SLCO3A1: variants seen among roughly 807,000 people sequenced by gnomAD.
SLCO3A1 encodes the protein PGE1 transporter.
A neutral mutation model predicts 63.1 loss-of-function variants in SLCO3A1; 27 were observed. The ratio of observed to expected loss-of-function variants is 0.43; its 90% CI spans 0.32 to 0.59. SLCO3A1 has a LOEUF of 0.59. Ranked by LOEUF, SLCO3A1 falls within the 20% of genes least tolerant of loss-of-function variation. The pLI is 0.09. For synonymous variants in SLCO3A1, 473 were observed against 409.9 expected (o/e 1.15, Z -1.86); for missense variants, 773 against 945.8 (o/e 0.82, Z 2.40).
intron 7 of SLCO3A1, among the ~76,000 whole-genome samples, chr15:92,146,660 A>T (rs569333349): frequency 6.6e-6 from 1 of 152,264 alleles, no homozygotes; most frequent in African/African-American, 2.4e-5. Context: ...GCAACGTTTT[A>T]TCATATTGTG....
intron 2 of SLCO3A1, among the ~76,000 whole-genome samples, chr15:92,024,085 C>T (rs1021985097): frequency 4.6e-5 from 7 of 152,186 alleles, no homozygotes; most frequent in East Asian, 1.9e-4. Flanking sequence ...GCATTTAAAT[C>T]GTCTTTTCCC....
At chr15:92,136,699 G>T (rs1489135054) in intron 7 of SLCO3A1, among the ~76,000 whole-genome samples, 1 of 152,274 alleles carries the variant, frequency 6.6e-6, no homozygotes, top group Middle Eastern at 3.4e-3. Context: ...AGTATAAAAA[G>T]GAGGATATGA....
intron 2 of SLCO3A1, among the ~76,000 whole-genome samples, chr15:92,039,740 A>T (rs7164885): frequency 0.014 from 2,090 of 152,360 alleles, 46 homozygotes; most frequent in African/African-American, 0.048. Flanking sequence ...AATGTAAATC[A>T]TTCTACTAAG....
chr15:91,923,228 C>T (rs184133332), intron 2 of SLCO3A1, among the ~76,000 whole-genome samples: 2 of 152,314 alleles, frequency 1.3e-5, no homozygotes, highest in Admixed American at 1.3e-4. Context: ...CCCTTTTCAT[C>T]CTTATGGTCA....
At position 91,860,407 on chromosome 15, in the gene SLCO3A1, G is replaced by T. The variant is rs1025289804; in HGVS notation, c.180+6319G>T. Reference sequence around the variant, plus strand: ...AGCTTATCTTACAGATGGTTGTGAGGTTTAAACAAATAGTCATGTGATAGA... The same window carrying T: ...AGCTTATCTTACAGATGGTTGTGAGTTTTAAACAAATAGTCATGTGATAGA... On this transcript the variant is annotated intron_variant, in intron 1 of 9. Coordinates refer to ENST00000318445, the MANE Select transcript of SLCO3A1 (RefSeq NM_013272.4). This position sits in a 1 kb window ranked among gnomAD's most constrained non-coding sequence, Gnocchi z 5.5. Among the ~76,000 whole-genome samples the T allele has an allele frequency of 6.6e-6, 1 of 152,208 alleles. No homozygotes were observed. Among genetic ancestry groups the T allele is most frequent in the Admixed American group, 6.5e-5 (1 of 15,284 alleles).
At position 92,033,914 on chromosome 15, in the gene SLCO3A1, T is replaced by C. The variant is rs1415937903; in HGVS notation, c.647-60967T>C. ...TATTAGGGCTGGAGCAGGCTGGCGT[T>C]GATGAGCTGGGAGCAGGCGCATGGG... On this transcript the variant is annotated intron_variant, in intron 2 of 9. Coordinates refer to ENST00000318445, the MANE Select transcript of SLCO3A1 (RefSeq NM_013272.4). The surrounding 1 kb of genome is among the most constrained non-coding windows in gnomAD (Gnocchi z 4.5). Among the ~76,000 whole-genome samples the C allele has an allele frequency of 2.0e-5, 3 of 149,910 alleles. No homozygotes were observed. Among genetic ancestry groups the C allele is most frequent in the South Asian group, 2.1e-4 (1 of 4,688 alleles).
intron 2 of SLCO3A1, among the ~76,000 whole-genome samples, chr15:91,932,015 A>G (rs1333001043): frequency 6.6e-6 from 1 of 152,220 alleles, no homozygotes; most frequent in African/African-American, 2.4e-5. Flanking sequence ...TGACTGTCTT[A>G]GAAAGCTTTG....
chr15:92,120,656 A>G, intron 5 of SLCO3A1, 27 bp downstream of exon 5: 10 of 1,488,456 alleles, frequency 6.7e-6, no homozygotes, highest in African/African-American at 1.4e-5. Context: ...GCCTCCTGAG[A>G]GGGTCGGGGG....
chr15:92,010,932 G>A (rs1490121518), intron 2 of SLCO3A1, among the ~76,000 whole-genome samples: 1 of 152,200 alleles, frequency 6.6e-6, no homozygotes. Flanking sequence ...CCATCATTGT[G>A]TCTTACATGG....
chr15:91,895,269 T>A (rs1448161766), intron 1 of SLCO3A1, among the ~76,000 whole-genome samples: 3 of 152,208 alleles, frequency 2.0e-5, no homozygotes, highest in African/African-American at 7.2e-5. Flanking sequence ...TCACTAGAGA[T>A]ATTAATAATA....
chr15:92,034,525 G>A (rs1221628302), intron 2 of SLCO3A1, among the ~76,000 whole-genome samples: 1 of 151,646 alleles, frequency 6.6e-6, no homozygotes, highest in African/African-American at 2.4e-5. Context: ...AAGAAAAAGG[G>A]AGCCTGCAGC....
intron 2 of SLCO3A1, among the ~76,000 whole-genome samples, chr15:91,922,579 G>C (rs1898886928): frequency 6.6e-6 from 1 of 152,136 alleles, no homozygotes; most frequent in African/African-American, 2.4e-5. Flanking sequence ...CCTCTGATGA[G>C]TTTTTATTTT....
rs1897033711 is a variant in SLCO3A1, at chr15:91,860,957, A to G, written c.180+6869A>G. 6.6e-6 allele frequency among the ~76,000 whole-genome samples: 1 copy of G among 152,130 alleles called. No homozygotes were observed. Among genetic ancestry groups the G allele is most frequent in the Middle Eastern group, 3.2e-3 (1 of 316 alleles). ...GATTCATCCATCTCGGCTTACGGAC[A>G]TACCTTCTGCACAACACCACTCCCG... On this transcript the variant is annotated intron_variant, in intron 1 of 9. Transcript: ENST00000318445. This position sits in a 1 kb window ranked among gnomAD's most constrained non-coding sequence, Gnocchi z 5.5.
chr15:92,103,178 T>G lies in SLCO3A1; in HGVS notation c.746-1101T>G, dbSNP rs150317029. Among the ~76,000 whole-genome samples, 377 of 152,328 alleles carry G rather than the reference T, an allele frequency of 2.5e-3. 1 individual carries two copies. Among genetic ancestry groups the G allele is most frequent in the African/African-American group, 8.3e-3 (344 of 41,574 alleles). On this transcript the variant is annotated intron_variant, in intron 3 of 9. Coordinates refer to ENST00000318445, the MANE Select transcript of SLCO3A1 (RefSeq NM_013272.4). ...CTCTTCCCAGAGCTGTCCATCCATC[T>G]GGTCCAGGCCTGCAGCCCTGTTGGT...
chr15:92,024,408 C>T (rs1304693074), intron 2 of SLCO3A1, among the ~76,000 whole-genome samples: 1 of 152,198 alleles, frequency 6.6e-6, no homozygotes, highest in Non-Finnish European at 1.5e-5. Context: ...AGTGTATGGA[C>T]ATACTGTGCT....
chr15:91,975,784 C>T (rs535965246), intron 2 of SLCO3A1, among the ~76,000 whole-genome samples: 1 of 152,352 alleles, frequency 6.6e-6, no homozygotes, highest in East Asian at 1.9e-4. Context: ...GTGGACGCTC[C>T]AAGGCAGGCA....
At chr15:92,153,098 T>C (rs984480027) in intron 9 of SLCO3A1, among the ~76,000 whole-genome samples, 6 of 152,236 alleles carry the variant, frequency 3.9e-5, no homozygotes, top group African/African-American at 1.2e-4. Context: ...TTTCAATATC[T>C]GTATGTCTGC....
At chr15:92,160,781 A>G (rs1280834382) in intron 9 of SLCO3A1, among the ~76,000 whole-genome samples, 2 of 152,104 alleles carry the variant, frequency 1.3e-5, no homozygotes, top group African/African-American at 4.8e-5. Context: ...GATTCCAGGC[A>G]TGTCATTAAA....
intron 2 of SLCO3A1, among the ~76,000 whole-genome samples, chr15:91,947,411 TG>T (rs1328583191): frequency 7.2e-5 from 11 of 152,222 alleles, no homozygotes; most frequent in Non-Finnish European, 1.0e-4. Context: ...GCAGAGTTAG[TG>T]TCTTTTAGCT....
Sources: gnomAD v4.1 joint callset for allele counts (sites outside exome capture counted in the v4.1 genomes callset) on GRCh38, gnomAD v4.1.1 for gene constraint, Gnocchi (gnomAD v3.1) non-coding constraint, MANE v1.5 for transcripts, NCBI Gene and HGNC (gene_info 2026-07-23, HGNC 2026-07-21) for gene names.